WIPF1: variants seen among roughly 807,000 people sequenced by gnomAD.
WIPF1 encodes WAS/WASL interacting protein family member 1, also known as WAS/WASL-interacting protein family member 1.
In WIPF1, 13 loss-of-function variants were observed where a neutral mutation model predicts 35.4. The ratio of observed to expected loss-of-function variants is 0.37; its 90% confidence interval spans 0.24 to 0.58. The LOEUF (loss-of-function observed/expected upper bound fraction) is 0.58. Ranked by LOEUF, WIPF1 falls within the 20% of genes least tolerant of loss-of-function variation. The probability of loss-of-function intolerance (pLI) is 0.74; values close to 1 mark genes in which losing one functional copy is unlikely to be tolerated. For missense variants in WIPF1, 591 were observed against 667.0 expected (o/e 0.89, Z 1.25); for synonymous variants, 267 against 266.3 (o/e 1.00, Z -0.02).
intron 1 of WIPF1, among the ~76,000 whole-genome samples, chr2:174,660,539 C>T (rs1574865420): frequency 1.3e-5 from 2 of 152,080 alleles, no homozygotes; most frequent in Middle Eastern, 3.4e-3. Context: ...GAACAGGGAG[C>T]ACTGGCTCAG....
chr2:174,665,848 T>C (rs1323287911), intron 1 of WIPF1, among the ~76,000 whole-genome samples: 2 of 152,240 alleles, frequency 1.3e-5, no homozygotes, highest in African/African-American at 4.8e-5. Context: ...GGCTCATTTG[T>C]AGATACTGCA....
At chr2:174,682,416 G>A (rs1688272237) in intron 1 of WIPF1, among the ~76,000 whole-genome samples, 3 of 152,174 alleles carry the variant, frequency 2.0e-5, no homozygotes, top group African/African-American at 7.2e-5. Context: ...CCCTGCTCGA[G>A]ACCTACGGAG....
chr2:174,619,175 T>C (rs936338720), intron 1 of WIPF1, among the ~76,000 whole-genome samples: 9 of 152,104 alleles, frequency 5.9e-5, no homozygotes, highest in African/African-American at 1.9e-4. Context: ...TCTCAAACTC[T>C]TGGGCTCAAG....
chr2:174,617,909 G>A (rs576174974), intron 1 of WIPF1, among the ~76,000 whole-genome samples: 70 of 152,332 alleles, frequency 4.6e-4, no homozygotes, highest in East Asian at 9.6e-4. Flanking sequence ...GGTCTGGAAA[G>A]GCAGAGGTTC....
At chr2:174,636,038 C>T (rs545040131) in intron 1 of WIPF1, among the ~76,000 whole-genome samples, 108 of 152,252 alleles carry the variant, frequency 7.1e-4, no homozygotes, top group South Asian at 1.7e-3. Context: ...AAATGGCTGT[C>T]CAAGCTATAG....
intron 1 of WIPF1, among the ~76,000 whole-genome samples, chr2:174,616,708 TTA>T (rs1686515896): frequency 6.6e-6 from 1 of 152,208 alleles, no homozygotes; most frequent in Admixed American, 6.5e-5. Flanking sequence ...TGAAAATTAT[TTA>T]GAGTTTTCTG....
Position 174,622,079 on chromosome 2 carries a change from A to C in WIPF1, c.-38-36468T>G, listed in dbSNP as rs1686693638. Among the ~76,000 whole-genome samples, 1 of 152,192 alleles carries C rather than the reference A, an allele frequency of 6.6e-6. No homozygotes were observed. Among genetic ancestry groups the C allele is most frequent in the South Asian group, 2.1e-4 (1 of 4,830 alleles). ...GAAGTTTAGGAGACATGAAGCATAG[A>C]AAATCATTTCCTCTAAATGTTGCCT... On this transcript the variant is annotated intron_variant, in intron 1 of 8. Transcript: ENST00000272746. The surrounding 1 kb of genome is among the most constrained non-coding windows in gnomAD (Gnocchi z 5.1).
intron 1 of WIPF1, among the ~76,000 whole-genome samples, chr2:174,614,262 T>C (rs1163809780): frequency 2.0e-5 from 3 of 152,258 alleles, no homozygotes; most frequent in South Asian, 4.1e-4. Flanking sequence ...CCGAGCCACT[T>C]GTCTCCAAAT....
chr2:174,646,969 A>G lies in WIPF1; in HGVS notation c.-39+35805T>C, dbSNP rs138674286. ...TGCAGGAAATAAAGGATATTCAGAA[A>G]TCAAACGGAACAGAGCTGCAGATTA... is the stretch of plus-strand genomic sequence containing the variant. On this transcript the variant is annotated intron_variant, in intron 1 of 8. Transcript: ENST00000272746. Among the ~76,000 whole-genome samples, 55 of 152,320 alleles carry G rather than the reference A, an allele frequency of 3.6e-4. No individual in the cohort carries two copies. The East Asian group carries it at 0.01, about 28-fold the overall frequency.
At chr2:174,573,288 T>A (rs942865635) in intron 4 of WIPF1, among the ~76,000 whole-genome samples, 51 of 96,816 alleles carry the variant, frequency 5.3e-4, no homozygotes, top group Middle Eastern at 0.011. Context: ...AAAAAAAAAA[T>A]CTACCCATTT....
At chr2:174,580,363 AG>A (rs1685197151) in intron 3 of WIPF1, among the ~76,000 whole-genome samples, 1 of 152,190 alleles carries the variant, frequency 6.6e-6, no homozygotes, top group Admixed American at 6.5e-5. Flanking sequence ...CTCCCAAACC[AG>A]TAGTCCACCT....
At chr2:174,658,623 A>G (rs957381698) in intron 1 of WIPF1, among the ~76,000 whole-genome samples, 1 of 152,308 alleles carries the variant, frequency 6.6e-6, no homozygotes, top group Middle Eastern at 3.4e-3. Context: ...CAACAAGCTC[A>G]CATAGAATGA....
Position 174,581,368 on chromosome 2 carries a change from G to A in WIPF1, c.123C>T (p.Ser41=). The A allele has an allele frequency of 5.0e-6, 8 of 1,613,914 alleles. No homozygotes were observed. The highest frequency in any genetic ancestry group is 6.8e-6 in the Non-Finnish European group (8 of 1,179,956). ...AGRNALLSDI[S]KGKKLKKTVT... is the part of the protein sequence containing the mutation. ...CCGTCTTCTTTAGTTTCTTCCCTTT[G>A]CTGATATCAGAAAGGAGAGCATTTC... Residue 41 remains serine (S), a synonymous_variant, in exon 3 of 8, where the codon AGC becomes AGT. Coordinates refer to ENST00000679041, the MANE Select transcript of WIPF1 (RefSeq NM_001375834.1).
intron 1 of WIPF1, among the ~76,000 whole-genome samples, chr2:174,660,194 C>A (rs1687728028): frequency 1.3e-5 from 2 of 152,152 alleles, no homozygotes; most frequent in South Asian, 4.1e-4. Flanking sequence ...CACAGACTAC[C>A]ATGTGGAAAC....
At chr2:174,584,348 C>G (rs1268170427) in intron 2 of WIPF1, among the ~76,000 whole-genome samples, 1 of 152,114 alleles carries the variant, frequency 6.6e-6, no homozygotes, top group Non-Finnish European at 1.5e-5. Context: ...ATAGGCAGTT[C>G]TTCTCACTAG....
intron 6 of WIPF1, 127 bp downstream of exon 6, chr2:174,567,734 G>T: frequency 9.8e-7 from 1 of 1,022,512 alleles, no homozygotes; most frequent in Non-Finnish European, 1.4e-6. Flanking sequence ...TAGATAGTTA[G>T]ATCAGTGCAA....
At chr2:174,631,842 A>G (rs1447326894) in intron 1 of WIPF1, among the ~76,000 whole-genome samples, 1 of 152,152 alleles carries the variant, frequency 6.6e-6, no homozygotes, top group Non-Finnish European at 1.5e-5. Context: ...AATGTTTGGT[A>G]TATATCACCA....
At position 174,572,402 on chromosome 2, in the gene WIPF1, A is replaced by C. The variant is rs950666697; in HGVS notation, c.403T>G (p.Ser135Ala). 3.1e-6 allele frequency: 5 copies of C among 1,614,084 alleles called. No individual in the cohort carries two copies. Among genetic ancestry groups the C allele is most frequent in the Middle Eastern group, 1.7e-4 (1 of 6,060 alleles). The change falls in exon 5 of 8, where the codon TCC becomes GCC. Residue 135 changes from serine to alanine, a missense_variant. By Grantham distance (99) the Ser-to-Ala change is moderately conservative. Around this residue, in one of 3 missense-constraint regions of WIPF1, gnomAD observed 471 missense variants for 501.1 expected, o/e 0.94. Transcript: ENST00000679041. ...GGTGAAAAGGGTTTCGCAGATGTGG[A>C]TCTTCCTCCCGGTGGCAACAATGGT... ...RPPLLPPGGR[S>A]TSAKPFSPPS...
upstream of WIPF1, among the ~76,000 whole-genome samples, chr2:174,600,678 C>T (rs149444977): frequency 6.6e-5 from 10 of 152,232 alleles, 1 homozygote; most frequent in Admixed American, 2.6e-4. Flanking sequence ...CATGCGTCAC[C>T]GCTTGACACT....
Sources: gnomAD v4.1 joint callset for allele counts (sites outside exome capture counted in the v4.1 genomes callset) on GRCh38, gnomAD v4.1.1 for gene constraint, gnomAD v4.1.1 regional missense constraint, Gnocchi (gnomAD v3.1) non-coding constraint, MANE v1.5 for transcripts, NCBI Gene and HGNC (gene_info 2026-07-23, HGNC 2026-07-21) for gene names.